PTRH1: variants seen among roughly 807,000 people sequenced by gnomAD.
The protein encoded by PTRH1 is peptidyl-tRNA hydrolase 1 homolog.
A neutral mutation model predicts 15.7 loss-of-function variants in PTRH1; 13 were observed. The observed-to-expected ratio is 0.83, with a 90% confidence interval of 0.54 to 1.31. The LOEUF (loss-of-function observed/expected upper bound fraction) is 1.31, where lower values mean the gene tolerates loss of function less well. PTRH1 is among the 40% of genes most tolerant of loss of function. The pLI, the probability that PTRH1 is intolerant of heterozygous loss-of-function variation, is 0.00. For missense variants in PTRH1, 319 were observed against 296.2 expected (o/e 1.08, Z -0.56); for synonymous variants, 139 against 136.7 (o/e 1.02, Z -0.12).
intron 1 of PTRH1, among the ~76,000 whole-genome samples, chr9:127,698,409 G>A (rs564499446): frequency 8.5e-5 from 13 of 152,280 alleles, no homozygotes; most frequent in Admixed American, 4.6e-4. Context: ...AAAACAGGCC[G>A]GGCACAATGG....
rs771216891 is a variant in PTRH1 at position 127,703,190 on chromosome 9, C to T, written c.206-8049G>A. Among the ~76,000 whole-genome samples the T allele has an allele frequency of 8.6e-5, 13 of 151,952 alleles. 1 individual carries two copies. The highest frequency in any genetic ancestry group is 5.9e-4 in the Admixed American group (9 of 15,264). Reference sequence around the variant, plus strand: ...TTAAGGCTAGGTGCTATGGCTCACACCTGTAATCCTAGCACTTTGGGAGGC... The same window carrying T: ...TTAAGGCTAGGTGCTATGGCTCACATCTGTAATCCTAGCACTTTGGGAGGC... On this transcript the variant is annotated intron_variant, in intron 1 of 2. Coordinates refer to the PTRH1 transcript ENST00000335223.
chr9:127,713,118 A>C (rs367607321), downstream of PTRH1: 1 of 1,612,964 alleles, frequency 6.2e-7, no homozygotes, highest in African/African-American at 1.3e-5. Context: ...GTACCTCGCC[A>C]GGTCCACATC....
At chr9:127,711,981 G>A (rs753006096), downstream of PTRH1, 109 of 1,588,238 alleles carry the variant, frequency 6.9e-5, no homozygotes, top group Admixed American at 1.1e-4. Context: ...GGCGGGCGGC[G>A]GGTGCAGGCT....
At chr9:127,709,201 A>G (rs560781863), downstream of PTRH1, among the ~76,000 whole-genome samples, 211 of 152,378 alleles carry the variant, frequency 1.4e-3, no homozygotes, top group Non-Finnish European at 2.5e-3. The surrounding 1 kb of genome is among the most constrained non-coding windows in gnomAD (Gnocchi z 4.7). Context: ...TGGAGTTTAC[A>G]TTCTAGTGAT....
intron 1 of PTRH1, among the ~76,000 whole-genome samples, chr9:127,700,883 A>C (rs756869497): frequency 1.1e-4 from 17 of 152,250 alleles, no homozygotes; most frequent in Non-Finnish European, 1.6e-4. Flanking sequence ...CTTTCTCCAG[A>C]TAAGAAGACT....
At chr9:127,699,814 T>G (rs1238609369) in intron 1 of PTRH1, among the ~76,000 whole-genome samples, 1 of 152,076 alleles carries the variant, frequency 6.6e-6, no homozygotes, top group African/African-American at 2.4e-5. Context: ...GTCTATTGCA[T>G]AATGGTCACC....
intron 1 of PTRH1, among the ~76,000 whole-genome samples, chr9:127,702,194 A>C (rs553297114): frequency 6.6e-6 from 1 of 152,040 alleles, no homozygotes; most frequent in Non-Finnish European, 1.5e-5. Context: ...TAACACGGTG[A>C]AACCCTGTCT....
downstream of PTRH1, chr9:127,709,733 C>T (rs767592297): frequency 3.8e-6 from 6 of 1,590,836 alleles, no homozygotes; most frequent in South Asian, 6.7e-5. This position sits in a 1 kb window ranked among gnomAD's most constrained non-coding sequence, Gnocchi z 4.7. Flanking sequence ...AGGCACACAT[C>T]CCAGCTCTAT....
At position 127,714,054 on chromosome 9, in the gene PTRH1, G is replaced by A. The variant is rs1297870196; in HGVS notation, c.*46C>T. ...GCGTGGCAGCTCTGTGGCAGTGGCT[G>A]GGTTGGTGGGCACTACAGTCAGGCA... On this transcript the variant is annotated 3_prime_UTR_variant, in exon 5 of 5. Coordinates refer to ENST00000543175, the MANE Select transcript of PTRH1 (RefSeq NM_001002913.3). 2 of 1,598,784 alleles carry A rather than the reference G, an allele frequency of 1.3e-6. No homozygotes were observed. Among genetic ancestry groups the A allele is most frequent in the Admixed American group, 3.4e-5 (2 of 58,416 alleles).
downstream of PTRH1, chr9:127,711,563 C>A: frequency 1.3e-6 from 2 of 1,561,086 alleles, no homozygotes; most frequent in South Asian, 1.2e-5. Context: ...GGGGGCCCTG[C>A]AGGGGTAGAG....
At chr9:127,697,944 TCTA>T (rs1242999448) in intron 1 of PTRH1, among the ~76,000 whole-genome samples, 2 of 152,166 alleles carry the variant, frequency 1.3e-5, no homozygotes, top group African/African-American at 2.4e-5. Flanking sequence ...GGTAAACTGT[TCTA>T]CTTCAAAATT....
At chr9:127,711,195 G>T (rs771099725), downstream of PTRH1, 1 of 1,606,344 alleles carries the variant, frequency 6.2e-7, no homozygotes, top group Non-Finnish European at 8.5e-7. Flanking sequence ...TGCCCGCTCT[G>T]TCTGACCCCT....
chr9:127,710,825 A>G (rs538016055), downstream of PTRH1: 1,381 of 1,507,078 alleles, frequency 9.2e-4, 1 homozygote, highest in Non-Finnish European at 1.1e-3. Context: ...CCTAGTCTTC[A>G]GGCCTCAGCT....
chr9:127,707,463 G>A (rs1242851917), intron 1 of PTRH1, among the ~76,000 whole-genome samples: 1 of 150,786 alleles, frequency 6.6e-6, no homozygotes, highest in African/African-American at 2.4e-5. Flanking sequence ...CAATCCCCAC[G>A]TCCCCCTGCC....
intron 1 of PTRH1, among the ~76,000 whole-genome samples, chr9:127,700,216 C>T (rs1348427222): frequency 1.3e-5 from 2 of 152,070 alleles, no homozygotes; most frequent in Admixed American, 6.5e-5. Flanking sequence ...CTTGCCCGCT[C>T]CCTCCTTCTC....
chr9:127,712,188 T>C (rs746183622), downstream of PTRH1: 3 of 1,613,654 alleles, frequency 1.9e-6, no homozygotes, highest in South Asian at 1.1e-5. Flanking sequence ...CTCATCCCAG[T>C]TGGGGTCCAG....
Position 127,715,614 on chromosome 9 carries a change from GCGCCCAAAAAGC to G in PTRH1, c.14_25del (p.Gly5_Gly8del). On this transcript the variant is annotated inframe_deletion, in exon 1 of 5. Transcript: ENST00000543175. The surrounding 1 kb of genome is among the most constrained non-coding windows in gnomAD (Gnocchi z 5.8). ...CATGGCTCTACTCAGCCGCTGTCCG[GCGCCCAAAAAGC>G]CGCCCGGCCTCATGCTGCCCCCATT... The G allele has an allele frequency of 6.2e-7, 1 of 1,612,806 alleles. No individual in the cohort carries two copies. The highest frequency in any genetic ancestry group is 8.5e-7 in the Non-Finnish European group (1 of 1,179,968).
chr9:127,711,940 C>G (rs769702616), downstream of PTRH1: 141 of 1,606,050 alleles, frequency 8.8e-5, no homozygotes, highest in Non-Finnish European at 1.2e-4. Context: ...GGTGGATAAC[C>G]AGGCACTGAA....
chr9:127,707,088 A>G lies in PTRH1; in HGVS notation c.205+8347T>C, dbSNP rs758098345. On this transcript the variant is annotated intron_variant, in intron 1 of 2. Transcript: ENST00000335223. ...GCAAGGAGCTTGAAGTCAAGAAGAA[A>G]GGGGGCAAGAAGGAGCCGGTGGTGG... 30 of 1,613,772 alleles carry G rather than the reference A, an allele frequency of 1.9e-5. No homozygotes were observed. In the African/African-American group the frequency reaches 3.6e-4, roughly 19 times the overall value.
Sources: gnomAD v4.1 joint callset for allele counts (sites outside exome capture counted in the v4.1 genomes callset) on GRCh38, gnomAD v4.1.1 for gene constraint, Gnocchi (gnomAD v3.1) non-coding constraint, MANE v1.5 for transcripts, NCBI Gene and HGNC (gene_info 2026-07-23, HGNC 2026-07-21) for gene names.